Variants in TFDP2 observed in about 807,000 individuals in gnomAD.
The protein encoded by TFDP2 is transcription factor Dp-2.
Under a neutral mutation model 59.3 loss-of-function variants are expected in TFDP2, and 17 were observed. The observed-to-expected ratio is 0.29, with a 90% CI of 0.20 to 0.43. The LOEUF is 0.43. Among genes scored for constraint, TFDP2 ranks in the 20% least tolerant of loss-of-function variants. The pLI, the probability that TFDP2 is intolerant of heterozygous loss-of-function variation, is 1.00. For missense variants in TFDP2, 391 were observed against 528.8 expected (o/e 0.74, Z 2.56); for synonymous variants, 180 against 194.7 (o/e 0.92, Z 0.63).
At chr3:142,093,435 A>G (rs1418996061) in intron 2 of TFDP2, among the ~76,000 whole-genome samples, 1 of 151,688 alleles carries the variant, frequency 6.6e-6, no homozygotes, top group Non-Finnish European at 1.5e-5. Flanking sequence ...TGGATGACAG[A>G]GTGAGACCCT....
In TFDP2 at chr3:142,111,559, C is replaced by T. The variant is rs137874577; in HGVS notation, c.-92-9718G>A. Among the ~76,000 whole-genome samples the T allele has an allele frequency of 4.2e-3, 630 of 150,172 alleles. 2 individuals carry two copies. The highest frequency in any genetic ancestry group is 6.8e-3 in the Non-Finnish European group (460 of 67,664). On this transcript the variant is annotated intron_variant, in intron 1 of 12. Transcript: ENST00000489671. Reference sequence around the variant, plus strand: ...CTCACCAAAAAAAGAAAAAAAAACACACAAACTGAGTAAACCACTGGCAAA... The same window carrying T: ...CTCACCAAAAAAAGAAAAAAAAACATACAAACTGAGTAAACCACTGGCAAA...
chr3:142,014,937 T>G (rs1388148318), intron 3 of TFDP2, among the ~76,000 whole-genome samples: 1 of 152,102 alleles, frequency 6.6e-6, no homozygotes, highest in Non-Finnish European at 1.5e-5. Flanking sequence ...CCTCCACATC[T>G]CAGTTTCTTT....
At chr3:142,143,240 A>C (rs1203885602) in intron 1 of TFDP2, among the ~76,000 whole-genome samples, 1 of 152,180 alleles carries the variant, frequency 6.6e-6, no homozygotes, top group Admixed American at 6.5e-5. Flanking sequence ...TGTCTAAAAA[A>C]AAAAATCAAA....
intron 6 of TFDP2, among the ~76,000 whole-genome samples, chr3:141,981,596 A>G (rs984517500): frequency 6.6e-6 from 1 of 152,228 alleles, no homozygotes; most frequent in Admixed American, 6.5e-5. Flanking sequence ...TACTTATCTT[A>G]CCTCACAGAC....
At chr3:142,028,609 G>C in intron 3 of TFDP2, 4 of 985,382 alleles carry the variant, frequency 4.1e-6, no homozygotes, top group African/African-American at 1.7e-5. Context: ...TCTCACTGCA[G>C]TACCAACAAC....
At chr3:142,141,302 A>G (rs900282538) in intron 1 of TFDP2, among the ~76,000 whole-genome samples, 2 of 152,218 alleles carry the variant, frequency 1.3e-5, no homozygotes, top group African/African-American at 4.8e-5. Flanking sequence ...GGAAAGGGAA[A>G]TCTTCTGATC....
rs571174999 is a variant in TFDP2, at chr3:142,114,037, C to T, written c.-92-12196G>A. 3.3e-5 allele frequency among the ~76,000 whole-genome samples: 5 copies of T among 152,116 alleles called. No homozygotes were observed. The East Asian group carries it at 9.7e-4, about 29-fold the overall frequency. ...AAAATTAGCCAGGCGTGATGGCGGGCGCCTGTAGTCTCAGCTACTCAGGAG... is the reference window on the plus strand; with the variant it reads ...AAAATTAGCCAGGCGTGATGGCGGGTGCCTGTAGTCTCAGCTACTCAGGAG... On this transcript the variant is annotated intron_variant, in intron 1 of 12. Coordinates refer to ENST00000489671, the MANE Select transcript of TFDP2 (RefSeq NM_001178139.2).
intron 7 of TFDP2, 57 bp from the exon 8 acceptor site, chr3:141,974,248 T>C (rs1421295848): frequency 1.4e-6 from 2 of 1,412,540 alleles, no homozygotes; most frequent in Non-Finnish European, 1.9e-6. Flanking sequence ...TACAGTCACA[T>C]GATATGAATA....
chr3:141,968,453 C>A (rs1270882026), intron 9 of TFDP2, among the ~76,000 whole-genome samples: 10 of 92,058 alleles, frequency 1.1e-4, no homozygotes, highest in African/African-American at 4.0e-4. Flanking sequence ...ACATATATAT[C>A]TCATATATAG....
chr3:142,007,171 A>C (rs182712860), intron 3 of TFDP2, among the ~76,000 whole-genome samples: 2 of 152,256 alleles, frequency 1.3e-5, no homozygotes, highest in Non-Finnish European at 2.9e-5. Context: ...CAACTATTCC[A>C]TTGGCCCTTT....
chr3:142,010,248 A>G (rs959601964), intron 3 of TFDP2, among the ~76,000 whole-genome samples: 2 of 152,220 alleles, frequency 1.3e-5, no homozygotes, highest in African/African-American at 4.8e-5. Context: ...TATAAAAATA[A>G]ATCCGGTATA....
At chr3:142,088,313 G>A (rs1006276549) in intron 3 of TFDP2, among the ~76,000 whole-genome samples, 2 of 151,082 alleles carry the variant, frequency 1.3e-5, no homozygotes, top group African/African-American at 4.8e-5. Context: ...GAGCAGTCCA[G>A]CTATCTTTTT....
chr3:142,082,037 C>T (rs541626491), intron 3 of TFDP2, among the ~76,000 whole-genome samples: 2 of 152,250 alleles, frequency 1.3e-5, no homozygotes, highest in African/African-American at 4.8e-5. Flanking sequence ...GAGTGGCGGG[C>T]GAGTGAAAGC....
At chr3:142,129,656 T>G (rs1190031184) in intron 1 of TFDP2, among the ~76,000 whole-genome samples, 5 of 152,240 alleles carry the variant, frequency 3.3e-5, no homozygotes, top group Non-Finnish European at 7.4e-5. Context: ...GCTCAAGTGA[T>G]CCTCCTGCCT....
intron 3 of TFDP2, among the ~76,000 whole-genome samples, chr3:142,084,642 A>C (rs1383207301): frequency 3.3e-5 from 5 of 152,208 alleles, no homozygotes; most frequent in Admixed American, 3.3e-4. Flanking sequence ...CTATTCGGCC[A>C]TTAAAAAAAA....
At chr3:142,139,500 GGTACCGATT>G (rs2062857426) in intron 1 of TFDP2, among the ~76,000 whole-genome samples, 1 of 152,118 alleles carries the variant, frequency 6.6e-6, no homozygotes, top group African/African-American at 2.4e-5. Flanking sequence ...TGCAGTGGCT[GGTACCGATT>G]GTTCCTTTCT....
chr3:142,125,326 A>C (rs969549335), intron 1 of TFDP2, among the ~76,000 whole-genome samples: 1 of 152,214 alleles, frequency 6.6e-6, no homozygotes, highest in African/African-American at 2.4e-5. Flanking sequence ...ATACCAATAC[A>C]TTGTCCTGAG....
chr3:141,952,721 G>A, intron 12 of TFDP2, 25 bp from the exon 13 acceptor site: 1 of 1,606,548 alleles, frequency 6.2e-7, no homozygotes, highest in Non-Finnish European at 8.5e-7. Flanking sequence ...AAAACACACA[G>A]GCTCATTAAT....
At chr3:141,977,898 G>A (rs945768611) in intron 7 of TFDP2, among the ~76,000 whole-genome samples, 5 of 151,468 alleles carry the variant, frequency 3.3e-5, no homozygotes, top group Admixed American at 3.3e-4. Flanking sequence ...TTTTAGTAGA[G>A]ACAGGGTTTC....
Sources: allele counts gnomAD v4.1 joint callset (sites outside exome capture counted in the v4.1 genomes callset), GRCh38; gene constraint gnomAD v4.1.1; transcripts MANE v1.5; gene names NCBI Gene and HGNC (gene_info 2026-07-23, HGNC 2026-07-21).